CABIN1: variants seen among roughly 807,000 people sequenced by gnomAD.
The protein encoded by CABIN1 is calcineurin-binding protein cabin-1.
CABIN1 carries 133 observed loss-of-function variants against 227.7 expected under a neutral mutation model. The observed-to-expected ratio is 0.58, with a 90% confidence interval of 0.51 to 0.67. The LOEUF (loss-of-function observed/expected upper bound fraction) is 0.67. Among genes scored for constraint, CABIN1 ranks in the 30% least tolerant of loss-of-function variants. CABIN1 has a pLI of 0.00. For missense variants in CABIN1, 2,408 were observed against 2,852.5 expected (o/e 0.84, Z 3.55); for synonymous variants, 1,086 against 1,155.1 (o/e 0.94, Z 1.21).
rs145301957 is a variant in CABIN1, at chr22:24,054,215, C to T, written c.807-658C>T. Among the ~76,000 whole-genome samples the T allele has an allele frequency of 1.4e-3, 206 of 152,240 alleles. 2 individuals carry two copies. Among genetic ancestry groups the T allele is most frequent in the Non-Finnish European group, 2.1e-3 (144 of 68,008 alleles). ...TAAATGGATACATTGTAGCATACCA[C>T]GCAGCATAGTAGACAACACACAACC... On this transcript the variant is annotated intron_variant, in intron 8 of 36. Transcript: ENST00000263119.
chr22:24,069,671 G>A (rs905540433), intron 16 of CABIN1, among the ~76,000 whole-genome samples: 5 of 152,244 alleles, frequency 3.3e-5, no homozygotes, highest in South Asian at 2.1e-4. Context: ...AGGCACCCTC[G>A]CACCCCAGTG....
At chr22:24,078,165 G>A (rs2040564418) in intron 19 of CABIN1, among the ~76,000 whole-genome samples, 1 of 152,004 alleles carries the variant, frequency 6.6e-6, no homozygotes, top group East Asian at 1.9e-4. Flanking sequence ...TCTACTGCTG[G>A]GGACCCCCAC....
intron 1 of CABIN1, among the ~76,000 whole-genome samples, chr22:24,018,639 T>G (rs552493477): frequency 2.0e-5 from 3 of 152,228 alleles, no homozygotes; most frequent in Non-Finnish European, 4.4e-5. Flanking sequence ...CATCTTTTTG[T>G]GTACATATGC....
At chr22:24,117,615 G>T (rs1460507901) in intron 27 of CABIN1, among the ~76,000 whole-genome samples, 2 of 152,192 alleles carry the variant, frequency 1.3e-5, no homozygotes, top group African/African-American at 2.4e-5. Context: ...AGAGAGGGGC[G>T]GCTGAGCGGG....
intron 21 of CABIN1, 28 bp downstream of exon 21, chr22:24,084,813 G>A: frequency 6.2e-7 from 1 of 1,604,094 alleles, no homozygotes. Flanking sequence ...AGGACGTGGG[G>A]GACAGGGCTG....
At chr22:24,124,395 G>A (rs1472791111) in intron 28 of CABIN1, among the ~76,000 whole-genome samples, 1 of 152,202 alleles carries the variant, frequency 6.6e-6, no homozygotes, top group Admixed American at 6.5e-5. Flanking sequence ...CCAAGGGCTA[G>A]GTCTGTCCTG....
chr22:24,064,696 A>G (rs1431881913), intron 15 of CABIN1, among the ~76,000 whole-genome samples: 1 of 151,474 alleles, frequency 6.6e-6, no homozygotes, highest in East Asian at 1.9e-4. Context: ...TGGGTACTTG[A>G]GATTAGGGAG....
intron 17 of CABIN1, 43 bp downstream of exon 17, chr22:24,071,085 A>G (rs918826919): frequency 3.1e-6 from 5 of 1,613,184 alleles, no homozygotes; most frequent in Non-Finnish European, 3.4e-6. Flanking sequence ...CCCAGCAGGT[A>G]TGTCTCTGTG....
At chr22:24,140,182 A>G (rs1363105531) in intron 29 of CABIN1, among the ~76,000 whole-genome samples, 5 of 152,174 alleles carry the variant, frequency 3.3e-5, no homozygotes, top group Non-Finnish European at 7.4e-5. Context: ...GATGGGTGCT[A>G]AGGATCGAGT....
chr22:24,083,056 G>A (rs115953100), intron 19 of CABIN1, among the ~76,000 whole-genome samples, 172 bp from the exon 20 acceptor site: 1 of 152,326 alleles, frequency 6.6e-6, no homozygotes, highest in African/African-American at 2.4e-5. Context: ...AGGATAACAA[G>A]ACTTTTCCAG....
chr22:24,155,981 C>G lies in CABIN1; in HGVS notation c.4747-8419C>G, dbSNP rs907705952. Reference sequence around the variant, plus strand: ...CCGTCCGGCCGCGCCTGCCCCGCCCCGGCCCGCCGCGAGCGAGAGAGCGAA... The same window carrying G: ...CCGTCCGGCCGCGCCTGCCCCGCCCGGGCCCGCCGCGAGCGAGAGAGCGAA... On this transcript the variant is annotated intron_variant, in intron 29 of 36. Transcript: ENST00000263119. 12 of 553,518 alleles carry G rather than the reference C, an allele frequency of 2.2e-5. No individual in the cohort carries two copies. The African/African-American group carries it at 2.2e-4, about 10-fold the overall frequency. The allele number at this position is 553,518 out of a possible 1,614,324, so 34.3% of individuals were successfully genotyped here.
In CABIN1 at chr22:24,035,492, C is replaced by T. The variant is rs200432141; in HGVS notation, c.-26C>T. 812 of 1,614,060 alleles carry T rather than the reference C, an allele frequency of 5.0e-4. 2 individuals are homozygous for T. Among genetic ancestry groups the T allele is most frequent in the South Asian group, 2.4e-3 (216 of 91,074 alleles). The stretch of plus-strand genomic sequence containing the variant: ...TTTGCCAGTGATGAGAAGTGATGCT[C>T]GTGGCAGTGCTGAATCTCTCTGAAT... On this transcript the variant is annotated 5_prime_UTR_variant, in exon 2 of 37. Coordinates refer to ENST00000263119, the MANE Select transcript of CABIN1 (RefSeq NM_012295.4).
intron 3 of CABIN1, among the ~76,000 whole-genome samples, chr22:24,037,276 A>AAG (rs974732127): frequency 2.0e-5 from 3 of 151,452 alleles, no homozygotes; most frequent in Non-Finnish European, 4.4e-5. Context: ...AAAAAAAAAA[A>AAG]AAGAAAAGAA....
At chr22:24,166,384 G>A (rs941428787) in intron 31 of CABIN1, among the ~76,000 whole-genome samples, 3 of 152,212 alleles carry the variant, frequency 2.0e-5, no homozygotes, top group Non-Finnish European at 4.4e-5. Flanking sequence ...CCAGAGTCCC[G>A]TCAGCCCCTT....
intron 28 of CABIN1, among the ~76,000 whole-genome samples, chr22:24,124,279 CCTT>C (rs1205627325): frequency 6.6e-6 from 1 of 152,254 alleles, no homozygotes; most frequent in African/African-American, 2.4e-5. Flanking sequence ...AGCCAACAAT[CCTT>C]CTCACCCATA....
intron 13 of CABIN1, among the ~76,000 whole-genome samples, chr22:24,062,249 C>T (rs534458968): frequency 2.0e-5 from 3 of 151,838 alleles, no homozygotes; most frequent in East Asian, 3.9e-4. Flanking sequence ...TTTGCTGTTA[C>T]ACAAGATTGA....
Position 24,083,357 on chromosome 22 carries a change from G to T in CABIN1, c.2878G>T (p.Ala960Ser). Reference sequence around the variant, plus strand: ...CAGCTTCCCCAGCAAGAAGAGTAAGGCCAGGTACCTGGAGGAACACTCGGC... The same window carrying T: ...CAGCTTCCCCAGCAAGAAGAGTAAGTCCAGGTACCTGGAGGAACACTCGGC... The part of the protein sequence containing the change: ...LYSFPSKKSK[A>S]RYLEEHSAQQ... The change falls in exon 20 of 37, where the codon GCC becomes TCC. Residue 960 changes from alanine to serine, a missense_variant. By Grantham distance (99) the Ala-to-Ser change is moderately conservative. Around this residue, in one of 3 missense-constraint regions of CABIN1, gnomAD observed 649 missense variants for 910.3 expected, o/e 0.71. Transcript: ENST00000263119. 1.2e-6 allele frequency: 2 copies of T among 1,613,964 alleles called. No individual in the cohort carries two copies. The highest frequency in any genetic ancestry group is 1.7e-6 in the Non-Finnish European group (2 of 1,180,028).
Position 24,063,080 on chromosome 22 carries a change from C to T in CABIN1, c.1818C>T (p.Phe606=), listed in dbSNP as rs1355540899. 33 of 1,614,040 alleles carry T rather than the reference C, an allele frequency of 2.0e-5. No individual in the cohort carries two copies. Among genetic ancestry groups the T allele is most frequent in the African/African-American group, 4.0e-5 (3 of 74,898 alleles). The change falls in exon 14 of 37, where the codon TTC becomes TTT. Residue 606 remains phenylalanine, a synonymous_variant. Transcript: ENST00000263119. The part of the protein sequence containing the change: ...LSFASSQRDL[F]EDGWLEFVVR... ...TTGCCTCGTCCCAGCGCGACCTGTT[C>T]GAGGATGGTTGGCTGGAGTTTGTGG...
In CABIN1 at chr22:24,064,166, C is replaced by G; in HGVS notation, c.2016C>G (p.Asp672Glu). 1 of 1,614,194 alleles carries G rather than the reference C, an allele frequency of 6.2e-7. No homozygotes were observed. Among genetic ancestry groups the G allele is most frequent in the South Asian group, 1.1e-5 (1 of 91,080 alleles). ...TCCGGCTGCCCAACCTCCATAATGACTCTGTGGTTTCCCTGGAGGAGGTAA... is the reference window on the plus strand; with the variant it reads ...TCCGGCTGCCCAACCTCCATAATGAGTCTGTGGTTTCCCTGGAGGAGGTAA... ...IVIRLPNLHN[D>E]SVVSLEEIDK... Residue 672 changes from aspartate (D) to glutamate (E), a missense_variant, in exon 15 of 37, where the codon GAC becomes GAG. Around this residue, in one of 3 missense-constraint regions of CABIN1, gnomAD observed 1,045 missense variants for 1,168.4 expected, o/e 0.89. Coordinates refer to ENST00000263119, the MANE Select transcript of CABIN1 (RefSeq NM_012295.4).
Sources: gnomAD v4.1 joint callset for allele counts (sites outside exome capture counted in the v4.1 genomes callset) on GRCh38, gnomAD v4.1.1 for gene constraint, gnomAD v4.1.1 regional missense constraint, MANE v1.5 for transcripts, NCBI Gene and HGNC (gene_info 2026-07-23, HGNC 2026-07-21) for gene names.